The following EIF3H variants were observed in gnomAD, a reference collection of about 807,000 sequenced individuals.
EIF3H encodes the protein eIF-3-gamma.
In EIF3H, 26 loss-of-function variants were observed where a neutral mutation model predicts 44.2. That is an observed-to-expected ratio of 0.59 (90% CI 0.43 to 0.82). EIF3H has a LOEUF of 0.82. EIF3H is among the 40% of genes least tolerant of loss of function. The pLI is 0.00. For missense variants in EIF3H, 359 were observed against 432.8 expected (o/e 0.83, Z 1.51); for synonymous variants, 166 against 151.9 (o/e 1.09, Z -0.68).
At chr8:116,709,341 CCA>C (rs1406490118) in intron 2 of EIF3H, among the ~76,000 whole-genome samples, 3 of 152,092 alleles carry the variant, frequency 2.0e-5, no homozygotes, top group African/African-American at 4.8e-5. Context: ...AGAAATGGAA[CCA>C]CAGTTAGTAA....
chr8:116,645,881 C>G (rs1813287670), intron 7 of EIF3H, among the ~76,000 whole-genome samples: 2 of 152,314 alleles, frequency 1.3e-5, no homozygotes, highest in South Asian at 4.1e-4. Context: ...AGGTAAGGAT[C>G]TGACTGAATC....
In EIF3H at chr8:116,666,753, C is replaced by CAAAAAAAAAAAAAAAAAAAAA. The variant is rs56700266; in HGVS notation, c.290-7794_290-7774dup. 1.3e-4 allele frequency among the ~76,000 whole-genome samples: 9 copies of CAAAAAAAAAAAAAAAAAAAAA among 71,446 alleles called. 2 individuals are homozygous for CAAAAAAAAAAAAAAAAAAAAA. Among genetic ancestry groups the CAAAAAAAAAAAAAAAAAAAAA allele is most frequent in the African/African-American group, 6.2e-4 (9 of 14,602 alleles). 46.9% of individuals were successfully genotyped at this position (71,446 alleles called of 152,430 possible). ...CCAAATGAGAATCTTTAGTGTTAGG[C>CAAAAAAAAAAAAAAAAAAAAA]AAAAAAAAAAAAAAAAAAAAAAATT... On this transcript the variant is annotated intron_variant, in intron 2 of 7. Coordinates refer to ENST00000521861, the MANE Select transcript of EIF3H (RefSeq NM_003756.3).
chr8:116,722,595 TA>T (rs763261916), intron 2 of EIF3H, among the ~76,000 whole-genome samples: 2 of 152,200 alleles, frequency 1.3e-5, no homozygotes, highest in African/African-American at 2.4e-5. Context: ...TGTAGTATTA[TA>T]TTTTTTTAAA....
chr8:116,719,103 A>T (rs565088525), intron 2 of EIF3H, among the ~76,000 whole-genome samples: 1 of 152,332 alleles, frequency 6.6e-6, no homozygotes, highest in South Asian at 2.1e-4. Context: ...AATGAGCCTT[A>T]GTTTAATAAC....
At chr8:116,741,486 A>C (rs12548586) in intron 1 of EIF3H, among the ~76,000 whole-genome samples, 15,316 of 152,274 alleles carry the variant, frequency 0.1, 1,119 homozygotes, top group African/African-American at 0.19. Flanking sequence ...ATTTTCCCTT[A>C]AAACATCATT....
chr8:116,755,875 A>G (rs2131001912), upstream of EIF3H: 1 of 1,587,578 alleles, frequency 6.3e-7, no homozygotes. Flanking sequence ...CGTCACTCGC[A>G]GGCCGGCGTT....
At position 116,655,867 on chromosome 8, in the gene EIF3H, G is replaced by A. The variant is rs1813479097; in HGVS notation, c.696C>T (p.Ser232=). The change falls in exon 5 of 8, where the codon AGC becomes AGT. Residue 232 remains serine, a synonymous_variant. Transcript: ENST00000521861. ...SAVADKHELL[S]LASSNHLGKN... ...GCAGGGCCACTTACCTGCTGGCAAG[G>A]CTGAGCAATTCATGTTTATCTGCAA... 1.2e-6 allele frequency: 2 copies of A among 1,613,536 alleles called. No homozygotes were observed. The highest frequency in any genetic ancestry group is 1.3e-5 in the African/African-American group (1 of 74,866).
chr8:116,672,052 G>A (rs1310001553), intron 2 of EIF3H, among the ~76,000 whole-genome samples: 9 of 152,166 alleles, frequency 5.9e-5, no homozygotes, highest in Non-Finnish European at 1.2e-4. Context: ...CTGGTTTAAT[G>A]TTTATTACAA....
At chr8:116,698,624 G>A (rs947407585) in intron 2 of EIF3H, among the ~76,000 whole-genome samples, 15 of 152,156 alleles carry the variant, frequency 9.9e-5, no homozygotes, top group Non-Finnish European at 2.2e-4. Context: ...TTACAGATGA[G>A]GAAACTGAAG....
At chr8:116,754,973 G>A (rs1815415882) in intron 1 of EIF3H, among the ~76,000 whole-genome samples, 1 of 152,162 alleles carries the variant, frequency 6.6e-6, no homozygotes, top group South Asian at 2.1e-4. Flanking sequence ...TTTAAAACTA[G>A]AACGTCATAT....
chr8:116,719,860 C>T (rs932304957), intron 2 of EIF3H, among the ~76,000 whole-genome samples: 3 of 152,040 alleles, frequency 2.0e-5, no homozygotes, highest in Admixed American at 2.0e-4. Flanking sequence ...ACACAAAAAG[C>T]GGATTTCAGA....
chr8:116,748,364 T>C (rs1283851207), intron 1 of EIF3H, among the ~76,000 whole-genome samples: 1 of 152,032 alleles, frequency 6.6e-6, no homozygotes, highest in African/African-American at 2.4e-5. Flanking sequence ...CTGTACAGGG[T>C]CTTATAATAG....
chr8:116,652,137 G>A (rs990891119), intron 5 of EIF3H, among the ~76,000 whole-genome samples: 10 of 152,162 alleles, frequency 6.6e-5, no homozygotes, highest in Non-Finnish European at 1.5e-4. Context: ...TGTGGAGAAT[G>A]AGAGGAAACC....
intron 1 of EIF3H, among the ~76,000 whole-genome samples, chr8:116,746,876 A>C (rs939615648): frequency 4.6e-5 from 7 of 152,200 alleles, no homozygotes; most frequent in Admixed American, 4.6e-4. Flanking sequence ...AGCAAAAAAA[A>C]ACCTGAAAAG....
chr8:116,754,874 A>G (rs1166035659), intron 1 of EIF3H, among the ~76,000 whole-genome samples: 2 of 152,270 alleles, frequency 1.3e-5, no homozygotes, highest in South Asian at 2.1e-4. Flanking sequence ...CTTATTACAA[A>G]TATCTAAGAT....
chr8:116,731,388 C>T (rs1236992179), intron 1 of EIF3H, among the ~76,000 whole-genome samples: 5 of 152,188 alleles, frequency 3.3e-5, no homozygotes, highest in Non-Finnish European at 5.9e-5. Context: ...AGTTCTCCAA[C>T]TTACTCTAAC....
At chr8:116,656,138 A>T (rs1239871628) in intron 4 of EIF3H, 133 bp from the exon 5 acceptor site, 8 of 697,728 alleles carry the variant, frequency 1.1e-5, no homozygotes, top group Non-Finnish European at 1.8e-5. Context: ...AAAAAAAAAA[A>T]GTAGAGAAAC....
Position 116,752,851 on chromosome 8 carries a change from GAA to G in EIF3H, c.132+2813_132+2814del, listed in dbSNP as rs141864377. On this transcript the variant is annotated intron_variant, in intron 1 of 7. Coordinates refer to ENST00000521861, the MANE Select transcript of EIF3H (RefSeq NM_003756.3). ...AAGGAAAGAGAGAGAGAAAAGAAAA[GAA>G]AAAAGAGAGAGAGAAGAGAAGAGTT... 3.1e-4 allele frequency among the ~76,000 whole-genome samples: 41 copies of G among 133,822 alleles called. 1 individual carries two copies. The East Asian group carries it at 5.2e-3, about 17-fold the overall frequency. The allele number at this position is 133,822 out of a possible 152,430, so 87.8% of individuals were successfully genotyped here.
At chr8:116,741,558 C>T (rs979096607) in intron 1 of EIF3H, among the ~76,000 whole-genome samples, 1 of 152,198 alleles carries the variant, frequency 6.6e-6, no homozygotes, top group South Asian at 2.1e-4. Context: ...AAAGCTCAAA[C>T]TATACCAGTC....
Sources: gnomAD v4.1 joint callset for allele counts (sites outside exome capture counted in the v4.1 genomes callset) on GRCh38, gnomAD v4.1.1 for gene constraint, MANE v1.5 for transcripts, NCBI Gene and HGNC (gene_info 2026-07-23, HGNC 2026-07-21) for gene names.